SORT1: variants seen among roughly 807,000 people sequenced by gnomAD.
The protein encoded by SORT1 is sortilin 1, also known as sortilin.
A neutral mutation model predicts 101.7 loss-of-function variants in SORT1; 39 were observed. That is an observed-to-expected ratio of 0.38 (90% CI 0.30 to 0.50). The LOEUF is 0.50. Ranked by LOEUF, SORT1 falls within the 20% of genes least tolerant of loss-of-function variation. SORT1 has a pLI of 0.90. For missense variants in SORT1, 878 were observed against 1,040.4 expected (o/e 0.84, Z 2.15); for synonymous variants, 396 against 393.7 (o/e 1.01, Z -0.07).
At chr1:109,316,207 T>C (rs1479527711) in intron 17 of SORT1, among the ~76,000 whole-genome samples, 11 of 151,992 alleles carry the variant, frequency 7.2e-5, no homozygotes, top group Admixed American at 6.6e-4. Context: ...TTCCAGGTCA[T>C]GGCCCTTCAC....
intron 1 of SORT1, among the ~76,000 whole-genome samples, chr1:109,381,291 AT>A (rs1204074352): frequency 2.6e-5 from 4 of 152,204 alleles, no homozygotes; most frequent in African/African-American, 9.7e-5. Flanking sequence ...ACACATTATT[AT>A]TTAATCCACA....
In SORT1 at chr1:109,397,812, C is replaced by T; in HGVS notation, c.81G>A (p.Leu27=). The T allele has an allele frequency of 7.8e-7, 1 of 1,287,078 alleles. No homozygotes were observed. The highest frequency in any genetic ancestry group is 1.6e-5 in the African/African-American group (1 of 64,106). 79.7% of individuals were successfully genotyped at this position (1,287,078 alleles called of 1,614,324 possible). A position where few individuals can be genotyped will look rare whatever the true frequency, so the allele number is the denominator to read the frequency against. ...GLGLLLLLQL[L]PPSTLSQDRL... Reference sequence around the variant, plus strand: ...GGTCCTGGCTGAGGGTCGACGGCGGCAGCAGCTGCAGGAGGAGGAGGAGGC... The same window carrying T: ...GGTCCTGGCTGAGGGTCGACGGCGGTAGCAGCTGCAGGAGGAGGAGGAGGC... Residue 27 remains leucine (L), a synonymous_variant, in exon 1 of 20, where the codon CTG becomes CTA. Coordinates refer to ENST00000256637, the MANE Select transcript of SORT1 (RefSeq NM_002959.7).
intron 10 of SORT1, among the ~76,000 whole-genome samples, chr1:109,337,109 C>T (rs1648885526): frequency 1.3e-5 from 2 of 152,204 alleles, no homozygotes; most frequent in Admixed American, 1.3e-4. Flanking sequence ...ATTATTGTCT[C>T]TCCACTACTC....
chr1:109,367,093 A>G (rs1651145107), intron 3 of SORT1: 1 of 210,986 alleles, frequency 4.7e-6, no homozygotes, highest in East Asian at 1.0e-4. Context: ...TGGGCATGGT[A>G]GCGTGTGCCT....
At chr1:109,396,812 T>C (rs1653201337) in intron 1 of SORT1, among the ~76,000 whole-genome samples, 2 of 152,230 alleles carry the variant, frequency 1.3e-5, no homozygotes, top group African/African-American at 4.8e-5. Flanking sequence ...AGGAGAAAGA[T>C]GCCCAAGTTG....
chr1:109,334,678 CCA>C (rs1238289113), intron 11 of SORT1, among the ~76,000 whole-genome samples: 1 of 152,074 alleles, frequency 6.6e-6, no homozygotes, highest in Non-Finnish European at 1.5e-5. Flanking sequence ...AATGTTCTCA[CCA>C]CACACACAAA....
intron 1 of SORT1, among the ~76,000 whole-genome samples, chr1:109,375,476 G>A (rs796156822): frequency 2.7e-5 from 4 of 147,452 alleles, no homozygotes; most frequent in South Asian, 2.2e-4. Flanking sequence ...CCCAGGGGGC[G>A]GTGCCTGCAG....
chr1:109,336,108 T>C lies in SORT1; in HGVS notation c.1371+132A>G, dbSNP rs765829966. ...CGAAATTCTAAGTTAATTTCATTAC[T>C]CTCATCTCCAAACTTTCCACCTTAT... On this transcript the variant is annotated intron_variant, in intron 11 of 19. Coordinates refer to ENST00000256637, the MANE Select transcript of SORT1 (RefSeq NM_002959.7). 199 of 612,256 alleles carry C rather than the reference T, an allele frequency of 3.3e-4. No homozygotes were observed. Among genetic ancestry groups the C allele is most frequent in the Non-Finnish European group, 5.4e-4 (186 of 341,684 alleles). 37.9% of individuals were successfully genotyped at this position (612,256 alleles called of 1,614,324 possible).
intron 2 of SORT1, among the ~76,000 whole-genome samples, chr1:109,368,011 T>C (rs1025569049): frequency 6.6e-6 from 1 of 152,110 alleles, no homozygotes; most frequent in Non-Finnish European, 1.5e-5. Context: ...ATCTTGGAGA[T>C]GGCTGGGCAC....
chr1:109,353,134 T>C (rs1650072853), intron 5 of SORT1, among the ~76,000 whole-genome samples: 1 of 151,986 alleles, frequency 6.6e-6, no homozygotes, highest in South Asian at 2.1e-4. Context: ...GAGACCAGCC[T>C]GGCCAACATG....
chr1:109,333,413 T>C (rs1240601603), intron 11 of SORT1, among the ~76,000 whole-genome samples: 1 of 151,816 alleles, frequency 6.6e-6, no homozygotes, highest in East Asian at 1.9e-4. Context: ...AACAGACAAA[T>C]CAGATTGTAT....
At chr1:109,347,828 A>G (rs934611847) in intron 6 of SORT1, among the ~76,000 whole-genome samples, 2 of 151,992 alleles carry the variant, frequency 1.3e-5, no homozygotes, top group Non-Finnish European at 2.9e-5. Flanking sequence ...ATCACAACTG[A>G]GGGGTGGGTG....
intron 3 of SORT1, among the ~76,000 whole-genome samples, chr1:109,355,932 G>A (rs1298814434): frequency 6.6e-6 from 1 of 151,836 alleles, no homozygotes; most frequent in Non-Finnish European, 1.5e-5. Context: ...CTGGAGTGCA[G>A]TGATGCAATC....
intron 3 of SORT1, among the ~76,000 whole-genome samples, chr1:109,363,128 C>T (rs984877566): frequency 6.6e-5 from 10 of 152,052 alleles, no homozygotes; most frequent in African/African-American, 2.4e-4. Flanking sequence ...TAAAATAGCC[C>T]AGCAGTCTTT....
chr1:109,384,211 G>A (rs1200686053), intron 1 of SORT1, among the ~76,000 whole-genome samples: 8 of 152,146 alleles, frequency 5.3e-5, no homozygotes, highest in South Asian at 4.1e-4. Context: ...GATACTCACC[G>A]AAAAGAAGCA....
Position 109,397,046 on chromosome 1 carries a change from A to C in SORT1, c.306+541T>G, listed in dbSNP as rs116687813. 8.6e-3 allele frequency among the ~76,000 whole-genome samples: 1,313 copies of C among 152,346 alleles called. 26 individuals are homozygous for C. Among genetic ancestry groups the C allele is most frequent in the African/African-American group, 0.03 (1,253 of 41,576 alleles). Reference sequence around the variant, plus strand: ...TAGTCAGACTTCCGTACCATGACAGAAGGTCAAATCTGAAGCAGTAAAAGA... The same window carrying C: ...TAGTCAGACTTCCGTACCATGACAGCAGGTCAAATCTGAAGCAGTAAAAGA... On this transcript the variant is annotated intron_variant, in intron 1 of 19. Transcript: ENST00000256637.
intron 1 of SORT1, among the ~76,000 whole-genome samples, chr1:109,372,165 G>A (rs1651517670): frequency 6.6e-6 from 1 of 152,168 alleles, no homozygotes; most frequent in African/African-American, 2.4e-5. Context: ...TCACAAGTCA[G>A]CACAAAGCCA....
At chr1:109,314,113 C>G (rs1658885407) in intron 19 of SORT1, 56 bp from the exon 20 acceptor site, 1 of 1,611,922 alleles carries the variant, frequency 6.2e-7, no homozygotes, top group East Asian at 2.2e-5. Context: ...ATTTCAAAAG[C>G]AATCACCTAG....
chr1:109,363,311 T>C (rs1431682128), intron 3 of SORT1, among the ~76,000 whole-genome samples: 1 of 152,180 alleles, frequency 6.6e-6, no homozygotes, highest in Non-Finnish European at 1.5e-5. Flanking sequence ...CTAGTTTATT[T>C]CTTTAACTTC....
Sources: allele counts gnomAD v4.1 joint callset (sites outside exome capture counted in the v4.1 genomes callset), GRCh38; gene constraint gnomAD v4.1.1; transcripts MANE v1.5; gene names NCBI Gene and HGNC (gene_info 2026-07-23, HGNC 2026-07-21).